The following CDKAL1 variants were observed in gnomAD, a reference collection of about 807,000 sequenced individuals.
CDKAL1 encodes CDKAL1 threonylcarbamoyladenosine tRNA methylthiotransferase, also known as threonylcarbamoyladenosine tRNA methylthiotransferase.
Under a neutral mutation model 68.2 loss-of-function variants are expected in CDKAL1, and 32 were observed. That is an observed-to-expected ratio of 0.47 (90% CI 0.35 to 0.63). CDKAL1 has a LOEUF of 0.63. CDKAL1 is among the 30% of genes least tolerant of loss of function. CDKAL1 has a pLI of 0.00. For missense variants in CDKAL1, 606 were observed against 696.7 expected, an observed-to-expected ratio of 0.87 and a Z score of 1.47; for synonymous variants, 234 against 244.3, an observed-to-expected ratio of 0.96 and a Z score of 0.39.
intron 2 of CDKAL1, among the ~76,000 whole-genome samples, chr6:20,537,016 T>C (rs1763200459): frequency 6.6e-6 from 1 of 152,120 alleles, no homozygotes; most frequent in South Asian, 2.1e-4. Context: ...TGGGGCTTAG[T>C]TGGGAATTTT....
chr6:21,095,219 A>T (rs541882199), intron 12 of CDKAL1, among the ~76,000 whole-genome samples: 34 of 152,254 alleles, frequency 2.2e-4, no homozygotes, highest in Non-Finnish European at 4.1e-4. Context: ...GCTTCTTGTG[A>T]TGGGTGCAGG....
chr6:20,802,252 T>A (rs939528288), intron 8 of CDKAL1, among the ~76,000 whole-genome samples: 1 of 151,508 alleles, frequency 6.6e-6, no homozygotes, highest in African/African-American at 2.4e-5. Flanking sequence ...GAGCCGAGAT[T>A]GCGCCGCTGC....
intron 8 of CDKAL1, among the ~76,000 whole-genome samples, chr6:20,783,585 G>A (rs759426100): frequency 1.3e-5 from 2 of 152,010 alleles, no homozygotes; most frequent in South Asian, 2.1e-4. Flanking sequence ...TCACCTCATG[G>A]GTGAGCCTCC....
intron 4 of CDKAL1, among the ~76,000 whole-genome samples, chr6:20,638,133 G>A (rs1023198318): frequency 5.3e-5 from 8 of 152,126 alleles, no homozygotes; most frequent in Admixed American, 3.3e-4. Flanking sequence ...TCCTTAAGTG[G>A]CGATCTGGTA....
intron 6 of CDKAL1, among the ~76,000 whole-genome samples, chr6:20,740,725 C>G (rs754552216): frequency 1.4e-4 from 21 of 152,042 alleles, no homozygotes; most frequent in Non-Finnish European, 2.8e-4. Flanking sequence ...AAGTCCTTAC[C>G]CCACTAGCAA....
intron 5 of CDKAL1, among the ~76,000 whole-genome samples, chr6:20,732,263 C>T (rs75728878): frequency 7.2e-5 from 6 of 83,464 alleles, no homozygotes; most frequent in African/African-American, 1.5e-4. Context: ...TTCTTTCTTT[C>T]TTTTTTTTTT....
intron 4 of CDKAL1, among the ~76,000 whole-genome samples, chr6:20,551,335 T>G (rs1763814526): frequency 6.6e-6 from 1 of 152,102 alleles, no homozygotes; most frequent in African/African-American, 2.4e-5. Flanking sequence ...AACCTAGTCC[T>G]TGTATCACCC....
At chr6:20,837,937 T>TGTGTGTGTGTG (rs1778015258) in intron 8 of CDKAL1, among the ~76,000 whole-genome samples, 1 of 123,176 alleles carries the variant, frequency 8.1e-6, no homozygotes, top group Non-Finnish European at 1.7e-5. Context: ...TGGGAAGAAA[T>TGTGTGTGTGTG]TGTGTGTGTG....
intron 5 of CDKAL1, among the ~76,000 whole-genome samples, chr6:20,677,324 C>A (rs1024838889): frequency 6.6e-6 from 1 of 152,176 alleles, no homozygotes; most frequent in Non-Finnish European, 1.5e-5. Context: ...CCTGCCTCAG[C>A]CTCTCAAAGT....
intron 8 of CDKAL1, among the ~76,000 whole-genome samples, chr6:20,824,410 G>A (rs1370033321): frequency 1.3e-5 from 2 of 152,116 alleles, no homozygotes; most frequent in African/African-American, 4.8e-5. Context: ...TGCAGTCTAG[G>A]TGTCTGCAAG....
intron 5 of CDKAL1, among the ~76,000 whole-genome samples, chr6:20,696,218 T>C (rs914023433): frequency 2.0e-5 from 3 of 152,228 alleles, no homozygotes; most frequent in Non-Finnish European, 4.4e-5. Flanking sequence ...CTCATCCTTT[T>C]AATAAAGACT....
At chr6:20,898,292 A>G (rs777328145) in intron 9 of CDKAL1, among the ~76,000 whole-genome samples, 3 of 150,472 alleles carry the variant, frequency 2.0e-5, no homozygotes, top group Non-Finnish European at 4.4e-5. Context: ...TTATTTAGTA[A>G]ATTTCATTCT....
intron 5 of CDKAL1, among the ~76,000 whole-genome samples, chr6:20,690,577 G>GGA (rs1770826797): frequency 6.6e-6 from 1 of 152,210 alleles, no homozygotes; most frequent in Admixed American, 6.5e-5. Context: ...CTAATTTAAT[G>GGA]GAGATTGGGA....
intron 9 of CDKAL1, among the ~76,000 whole-genome samples, chr6:20,950,323 C>T (rs1000156094): frequency 6.6e-6 from 1 of 152,032 alleles, no homozygotes; most frequent in African/African-American, 2.4e-5. Context: ...GGGGTTTCTC[C>T]ATGTTGGTCA....
chr6:20,552,263 C>T lies in CDKAL1; in HGVS notation c.286+3558C>T, dbSNP rs1339450889. 1.1e-4 allele frequency among the ~76,000 whole-genome samples: 16 copies of T among 151,692 alleles called. 1 individual carries two copies. Among genetic ancestry groups the T allele is most frequent in the Admixed American group, 9.9e-4 (15 of 15,210 alleles). On this transcript the variant is annotated intron_variant, in intron 4 of 15. Coordinates refer to ENST00000274695, the MANE Select transcript of CDKAL1 (RefSeq NM_017774.3). ...ACTTGAGAGGATGAGGTGGCAGGAT[C>T]GCTTGAGCCTGAGAGGTAGAGGCTG... is the stretch of plus-strand genomic sequence containing the variant.
At chr6:20,658,648 T>G (rs927410321) in intron 5 of CDKAL1, among the ~76,000 whole-genome samples, 6 of 124,392 alleles carry the variant, frequency 4.8e-5, no homozygotes, top group African/African-American at 2.3e-4. Context: ...CAACTTGAAC[T>G]TGTAAAGTAA....
chr6:21,117,787 T>C (rs909282869), intron 13 of CDKAL1, among the ~76,000 whole-genome samples: 1 of 152,140 alleles, frequency 6.6e-6, no homozygotes, highest in Non-Finnish European at 1.5e-5. Flanking sequence ...TGGAATGAAA[T>C]ACAAAATGAT....
intron 4 of CDKAL1, among the ~76,000 whole-genome samples, chr6:20,569,337 A>G (rs745368468): frequency 7.2e-5 from 11 of 152,196 alleles, no homozygotes; most frequent in Non-Finnish European, 1.2e-4. Context: ...AAATAGGCAC[A>G]TTGTTCTTTG....
At chr6:20,638,635 C>T (rs1192176025) in intron 4 of CDKAL1, among the ~76,000 whole-genome samples, 21 of 145,160 alleles carry the variant, frequency 1.4e-4, no homozygotes, top group African/African-American at 4.9e-4. Flanking sequence ...TTTTTTGAGA[C>T]GGAGTCTCAC....
Sources: allele counts gnomAD v4.1 joint callset (sites outside exome capture counted in the v4.1 genomes callset), GRCh38; gene constraint gnomAD v4.1.1; transcripts MANE v1.5; gene names NCBI Gene and HGNC (gene_info 2026-07-23, HGNC 2026-07-21).